The following SP140 variants were observed in gnomAD, a reference collection of about 807,000 sequenced individuals.
SP140 encodes the protein SP140 nuclear body protein, also known as nuclear body protein SP140.
A neutral mutation model predicts 125.0 loss-of-function variants in SP140; 81 were observed. That is an observed-to-expected ratio of 0.65 (90% CI 0.54 to 0.78). SP140 has a LOEUF of 0.78. SP140 is among the 30% of genes least tolerant of loss of function. SP140 has a pLI of 0.00. For synonymous variants in SP140, 312 were observed against 354.0 expected, an observed-to-expected ratio of 0.88 and a Z score of 1.33; for missense variants, 858 against 1,037.0, an observed-to-expected ratio of 0.83 and a Z score of 2.37.
chr2:230,257,114 T>C (rs35540610), intron 12 of SP140, among the ~76,000 whole-genome samples: 33,267 of 151,984 alleles, frequency 0.22, 3,778 homozygotes, highest in Middle Eastern at 0.36. Context: ...GGGTGGGGTC[T>C]CATAGTCTGA....
chr2:230,292,327 G>A (rs908811363), intron 19 of SP140, among the ~76,000 whole-genome samples: 1 of 152,158 alleles, frequency 6.6e-6, no homozygotes, highest in African/African-American at 2.4e-5. Flanking sequence ...ATAGCAAGTT[G>A]GAGTCCTCTC....
chr2:230,243,875 G>A, intron 5 of SP140, 64 bp downstream of exon 5: 2 of 1,149,314 alleles, frequency 1.7e-6, no homozygotes, highest in Non-Finnish European at 2.6e-6. Context: ...TTCAGAGCTG[G>A]TGTTTCCTAA....
chr2:230,263,911 T>C (rs111586996), intron 12 of SP140, among the ~76,000 whole-genome samples: 2,709 of 152,296 alleles, frequency 0.018, 102 homozygotes, highest in African/African-American at 0.062. Flanking sequence ...GATTCTTTCC[T>C]TCGTCTTAAA....
intron 14 of SP140, 105 bp from the exon 15 acceptor site, chr2:230,270,481 C>A: frequency 8.7e-7 from 1 of 1,143,560 alleles, no homozygotes; most frequent in East Asian, 2.5e-5. Flanking sequence ...AATGATTATC[C>A]AAGCATCTGT....
chr2:230,224,947 T>C (rs917910837), upstream of SP140, among the ~76,000 whole-genome samples: 2 of 152,244 alleles, frequency 1.3e-5, no homozygotes, highest in Non-Finnish European at 2.9e-5. Context: ...TGATATAGTG[T>C]GTTTTTGTAA....
At chr2:230,255,195 G>A (rs2050969927) in intron 11 of SP140, among the ~76,000 whole-genome samples, 1 of 152,144 alleles carries the variant, frequency 6.6e-6, no homozygotes. Flanking sequence ...GTGGAAAGGG[G>A]GAGGGGGAGA....
intron 1 of SP140, among the ~76,000 whole-genome samples, chr2:230,206,599 A>T (rs1158022842): frequency 1.7e-4 from 6 of 35,962 alleles, no homozygotes; most frequent in African/African-American, 7.4e-4. Flanking sequence ...CAGATTTTAT[A>T]TATATATATA....
upstream of SP140, among the ~76,000 whole-genome samples, chr2:230,224,506 G>C (rs1405652869): frequency 1.0e-4 from 15 of 150,488 alleles, no homozygotes; most frequent in Non-Finnish European, 4.4e-5. Flanking sequence ...AGACAGAGGA[G>C]AGAGAGGACA....
intron 16 of SP140, 131 bp from the exon 17 acceptor site, chr2:230,285,621 A>G (rs1217159837): frequency 2.7e-6 from 2 of 734,150 alleles, no homozygotes; most frequent in Non-Finnish European, 2.3e-6. Context: ...CCCAAAAGCA[A>G]AAAATGCTCT....
chr2:230,280,300 T>C (rs2055352908), intron 15 of SP140, among the ~76,000 whole-genome samples: 1 of 152,214 alleles, frequency 6.6e-6, no homozygotes, highest in African/African-American at 2.4e-5. Flanking sequence ...GTAAAATCTC[T>C]TTTGCCAAGT....
chr2:230,193,966 A>G, the SP140 span, among the ~76,000 whole-genome samples: 2 of 152,156 alleles, frequency 1.3e-5, no homozygotes, highest in Non-Finnish European at 2.9e-5. Flanking sequence ...GTTTTCCTAT[A>G]AGTCATTGGT....
chr2:230,274,664 A>T lies in SP140; in HGVS notation c.1498+4025A>T, dbSNP rs889344928. Among the ~76,000 whole-genome samples, 16 of 152,262 alleles carry T rather than the reference A, an allele frequency of 1.1e-4. No individual in the cohort carries two copies. In the East Asian group the frequency reaches 3.1e-3, roughly 29 times the overall value. ...TTTATGGTAATTTATTACAGCAGCA[A>T]TACCTTTTGTAAGACAAAAAAAAAA... On this transcript the variant is annotated intron_variant, in intron 15 of 26. Transcript: ENST00000392045.
At chr2:230,208,027 G>T (rs201739587) in intron 1 of SP140, 2 of 1,566,142 alleles carry the variant, frequency 1.3e-6, no homozygotes, top group Non-Finnish European at 1.8e-6. Flanking sequence ...CTCCTTTTTG[G>T]AGTTGACCAG....
At chr2:230,231,539 T>A (rs1483521414) in intron 1 of SP140, among the ~76,000 whole-genome samples, 3 of 152,214 alleles carry the variant, frequency 2.0e-5, no homozygotes, top group Non-Finnish European at 4.4e-5. Context: ...ATAGTCTGTT[T>A]CTTGTAGTTC....
chr2:230,262,960 T>C (rs148130065), intron 12 of SP140, among the ~76,000 whole-genome samples: 677 of 152,320 alleles, frequency 4.4e-3, no homozygotes, highest in Middle Eastern at 0.034. Context: ...GTTCTATATA[T>C]ATCTGTTAAA....
At chr2:230,286,771 A>G (rs886343903) in intron 17 of SP140, among the ~76,000 whole-genome samples, 5 of 152,150 alleles carry the variant, frequency 3.3e-5, no homozygotes, top group Non-Finnish European at 7.4e-5. Context: ...AACTCAACCT[A>G]CTTGCTTGGG....
At position 230,212,837 on chromosome 2, in the gene SP140, G is replaced by T. The variant is rs1327353483; in HGVS notation, c.-322-817G>T. On this transcript the variant is annotated intron_variant, in intron 1 of 4. Coordinates refer to the SP140 transcript ENST00000456542. ...CAGATGGGCTGGGCGACTCACTCAG[G>T]ATCTCATCGCTTTGCTGGGAGGATG... 3.1e-6 allele frequency: 5 copies of T among 1,614,106 alleles called. No homozygotes were observed. The highest frequency in any genetic ancestry group is 3.4e-6 in the Non-Finnish European group (4 of 1,179,998).
Position 230,245,078 on chromosome 2 carries a change from G to A in SP140, c.662G>A (p.Gly221Glu). 1 of 1,607,358 alleles carries A rather than the reference G, an allele frequency of 6.2e-7. No individual in the cohort carries two copies. The highest frequency in any genetic ancestry group is 8.5e-7 in the Non-Finnish European group (1 of 1,174,254). The change falls in exon 6 of 27, where the codon GGA becomes GAA. Residue 221 changes from glycine to glutamate, a missense_variant and splice_region_variant. Gly to Glu is a moderately conservative substitution (Grantham distance 98). Transcript: ENST00000392045. Reference sequence around the variant, plus strand: ...GCACCCAGCCTACTACCAGGTGGGGGAGGTAATTATGATTTAAATGACCAA... The same window carrying A: ...GCACCCAGCCTACTACCAGGTGGGGAAGGTAATTATGATTTAAATGACCAA... Reference protein sequence around the residue: ...EDAPSLLPGGGVSCKLAIQID... With the variant: ...EDAPSLLPGGEVSCKLAIQID...
intron 15 of SP140, among the ~76,000 whole-genome samples, chr2:230,283,372 T>C (rs1053101045): frequency 2.0e-5 from 3 of 152,190 alleles, no homozygotes; most frequent in Non-Finnish European, 4.4e-5. Context: ...AGACTTTCCA[T>C]CTACAAAATT....
Sources: gnomAD v4.1 joint callset for allele counts (sites outside exome capture counted in the v4.1 genomes callset) on GRCh38, gnomAD v4.1.1 for gene constraint, MANE v1.5 for transcripts, NCBI Gene and HGNC (gene_info 2026-07-23, HGNC 2026-07-21) for gene names.